Variants in PTPN4 observed in about 807,000 individuals in gnomAD.
PTPN4 encodes the protein protein tyrosine phosphatase non-receptor type 4.
A neutral mutation model predicts 135.5 loss-of-function variants in PTPN4; 49 were observed. That is an observed-to-expected ratio of 0.36 (90% CI 0.29 to 0.46). The LOEUF (loss-of-function observed/expected upper bound fraction) is 0.46. PTPN4 is among the 20% of genes least tolerant of loss of function. PTPN4 has a pLI of 1.00. For missense variants in PTPN4, 860 were observed against 1,101.0 expected (o/e 0.78, Z 3.10); for synonymous variants, 333 against 369.9 (o/e 0.90, Z 1.14).
At chr2:119,953,401 G>A (rs1158291303) in intron 19 of PTPN4, among the ~76,000 whole-genome samples, 1 of 151,940 alleles carries the variant, frequency 6.6e-6, no homozygotes, top group Admixed American at 6.6e-5. Context: ...TCACAAATAG[G>A]CGTTTTCATT....
intron 3 of PTPN4, among the ~76,000 whole-genome samples, chr2:119,866,100 A>G (rs1257594072): frequency 1.3e-5 from 2 of 152,088 alleles, no homozygotes; most frequent in Admixed American, 1.3e-4. Flanking sequence ...TGTATGTTGA[A>G]TAAATGAGGA....
chr2:119,869,090 T>A (rs1677872771), intron 3 of PTPN4, among the ~76,000 whole-genome samples: 1 of 152,162 alleles, frequency 6.6e-6, no homozygotes, highest in South Asian at 2.1e-4. Flanking sequence ...GAATTAACTT[T>A]AATGTCCATC....
chr2:119,804,688 A>G (rs541400668), intron 1 of PTPN4, among the ~76,000 whole-genome samples: 1 of 152,302 alleles, frequency 6.6e-6, no homozygotes, highest in South Asian at 2.1e-4. Flanking sequence ...ATAGATGAAC[A>G]TTTGGGTTGG....
intron 1 of PTPN4, among the ~76,000 whole-genome samples, chr2:119,765,032 T>C (rs1038861983): frequency 6.6e-6 from 1 of 152,098 alleles, no homozygotes; most frequent in Non-Finnish European, 1.5e-5. Flanking sequence ...ACTGTCTGAT[T>C]TCTGAGTCAG....
At chr2:119,879,654 G>T (rs78154378) in intron 5 of PTPN4, among the ~76,000 whole-genome samples, 4,045 of 152,268 alleles carry the variant, frequency 0.027, 86 homozygotes, top group African/African-American at 0.069. Flanking sequence ...TATAGCCAAG[G>T]CTACATATTA....
chr2:119,945,680 G>A (rs1050028215), intron 16 of PTPN4, among the ~76,000 whole-genome samples: 1 of 152,056 alleles, frequency 6.6e-6, no homozygotes, highest in Non-Finnish European at 1.5e-5. Context: ...ATGTGTTGTA[G>A]GATTTCATAT....
chr2:119,955,678 C>T (rs879322573), intron 20 of PTPN4, among the ~76,000 whole-genome samples: 2 of 152,100 alleles, frequency 1.3e-5, no homozygotes, highest in Non-Finnish European at 2.9e-5. Flanking sequence ...TGGCTCACGC[C>T]TGTAATCCCA....
At position 119,882,441 on chromosome 2, in the gene PTPN4, T is replaced by C. The variant is rs1014410469; in HGVS notation, c.467-62T>C. 5 of 1,387,426 alleles carry C rather than the reference T, an allele frequency of 3.6e-6. No individual in the cohort carries two copies. The African/African-American group carries it at 4.5e-5, about 12-fold the overall frequency. The allele number at this position is 1,387,426 out of a possible 1,614,324, so 85.9% of individuals were successfully genotyped here. A position where few individuals can be genotyped will look rare whatever the true frequency, so the allele number is the denominator to read the frequency against. ...GAAATAGAATTAATGGCATCGCTGATTTGACTATAATAATTTAAAAATTTG... is the reference window on the plus strand; with the variant it reads ...GAAATAGAATTAATGGCATCGCTGACTTGACTATAATAATTTAAAAATTTG... On this transcript the variant is annotated intron_variant, in intron 7 of 26. Coordinates refer to ENST00000263708, the MANE Select transcript of PTPN4 (RefSeq NM_002830.4).
chr2:119,853,720 A>T (rs1461700501), intron 2 of PTPN4, among the ~76,000 whole-genome samples: 2 of 152,152 alleles, frequency 1.3e-5, no homozygotes, highest in Non-Finnish European at 2.9e-5. Context: ...TCTTAAAGAG[A>T]AGAATAGGCT....
chr2:119,915,643 C>T (rs954803536), intron 11 of PTPN4: 1 of 153,234 alleles, frequency 6.5e-6, no homozygotes. Context: ...AGTTCATGAA[C>T]TTATAACACA....
Position 119,760,969 on chromosome 2 carries a change from G to T in PTPN4, c.-18+585G>T, listed in dbSNP as rs184569947. On this transcript the variant is annotated intron_variant, in intron 1 of 26. Transcript: ENST00000263708. ...AACAGCTTACAGTTGCACAGGTGATGTGTGGATGTTTCTGCAAAACTTAGG... is the reference window on the plus strand; with the variant it reads ...AACAGCTTACAGTTGCACAGGTGATTTGTGGATGTTTCTGCAAAACTTAGG... Among the ~76,000 whole-genome samples the T allele has an allele frequency of 1.9e-4, 29 of 151,956 alleles. No homozygotes were observed. In the East Asian group the frequency reaches 5.6e-3, roughly 29 times the overall value.
chr2:119,784,455 T>C (rs1033530917), intron 1 of PTPN4, among the ~76,000 whole-genome samples: 3 of 150,126 alleles, frequency 2.0e-5, no homozygotes, highest in Admixed American at 6.6e-5. Context: ...GGCGCAATCT[T>C]GGCTCACTGC....
At chr2:119,833,085 T>C (rs1317455944) in intron 2 of PTPN4, among the ~76,000 whole-genome samples, 1 of 152,172 alleles carries the variant, frequency 6.6e-6, no homozygotes, top group Non-Finnish European at 1.5e-5. Flanking sequence ...TTTATTCTGA[T>C]CTGTTTGTTT....
intron 26 of PTPN4, among the ~76,000 whole-genome samples, chr2:119,976,624 A>G (rs1220452679): frequency 6.6e-6 from 1 of 152,100 alleles, no homozygotes; most frequent in Non-Finnish European, 1.5e-5. Context: ...GTTTGTGAAT[A>G]TGTGTTTTCA....
At position 119,983,271 on chromosome 2, in the gene PTPN4, G is replaced by A. The variant is rs1679721188; in HGVS notation, c.*6201G>A. 1 of 152,168 alleles carries A rather than the reference G, an allele frequency of 6.6e-6. No homozygotes were observed. The highest frequency in any genetic ancestry group is 6.6e-5 in the Admixed American group (1 of 15,266). 9.4% of individuals were successfully genotyped at this position (152,168 alleles called of 1,614,324 possible). A position where few individuals can be genotyped will look rare whatever the true frequency, so the allele number is the denominator to read the frequency against. ...ATTATTACCAGGAATCCGTCAAGGG[G>A]GAGATAGCCCCGCTCACACCCTTAG... On this transcript the variant is annotated 3_prime_UTR_variant, in exon 27 of 27. Coordinates refer to ENST00000263708, the MANE Select transcript of PTPN4 (RefSeq NM_002830.4).
intron 12 of PTPN4, among the ~76,000 whole-genome samples, chr2:119,925,651 C>G (rs992608725): frequency 3.5e-4 from 54 of 152,236 alleles, no homozygotes; most frequent in African/African-American, 1.2e-3. Context: ...TGAGTATGCA[C>G]TAAATAAACT....
chr2:119,913,732 TTAAC>T (rs1196763568), intron 10 of PTPN4, among the ~76,000 whole-genome samples: 1 of 152,322 alleles, frequency 6.6e-6, no homozygotes, highest in South Asian at 2.1e-4. Context: ...TAATGATTTA[TTAAC>T]TACAGAAAGG....
chr2:119,809,889 C>G lies in PTPN4; in HGVS notation c.36C>G (p.Thr12=). ...TSRFRLPAGR[T]YNVRASELAR... ...GTTTCCGATTGCCTGCTGGCAGAACCTACAATGTACGAGCATCAGAGTTGG... is the reference window on the plus strand; with the variant it reads ...GTTTCCGATTGCCTGCTGGCAGAACGTACAATGTACGAGCATCAGAGTTGG... Residue 12 remains threonine, a synonymous_variant, in exon 2 of 27, where the codon ACC becomes ACG. Coordinates refer to ENST00000263708, the MANE Select transcript of PTPN4 (RefSeq NM_002830.4). 6.2e-7 allele frequency: 1 copy of G among 1,612,948 alleles called. No homozygotes were observed. Among genetic ancestry groups the G allele is most frequent in the South Asian group, 1.1e-5 (1 of 90,922 alleles).
chr2:119,942,679 G>A (rs1011286359), intron 15 of PTPN4, among the ~76,000 whole-genome samples: 1 of 152,138 alleles, frequency 6.6e-6, no homozygotes, highest in African/African-American at 2.4e-5. Flanking sequence ...ATTACTTCTG[G>A]TATTTGTAAA....
Sources: allele counts gnomAD v4.1 joint callset (sites outside exome capture counted in the v4.1 genomes callset), GRCh38; gene constraint gnomAD v4.1.1; transcripts MANE v1.5; gene names NCBI Gene and HGNC (gene_info 2026-07-23, HGNC 2026-07-21).